RBP5: variants seen among roughly 807,000 people sequenced by gnomAD.
RBP5 encodes retinol-binding protein 5.
In RBP5, 12 loss-of-function variants were observed where a neutral mutation model predicts 17.8. That is an observed-to-expected ratio of 0.67 (90% CI 0.43 to 1.09). The LOEUF (loss-of-function observed/expected upper bound fraction) is 1.09. RBP5 is among the 50% of genes least tolerant of loss of function. The pLI is 0.00. For synonymous variants in RBP5, 64 were observed against 68.1 expected (o/e 0.94, Z 0.30); for missense variants, 172 against 169.4 (o/e 1.02, Z -0.09).
rs2135787572 is a variant in RBP5, at chr12:7,128,829, G to A, written c.-54C>T. Reference sequence around the variant, plus strand: ...AGGAGACAGGGTGAGGAAGGAGGGGGTGTTGTCTGGCAGGTGAGGCTGAGA... The same window carrying A: ...AGGAGACAGGGTGAGGAAGGAGGGGATGTTGTCTGGCAGGTGAGGCTGAGA... On this transcript the variant is annotated 5_prime_UTR_variant, in exon 1 of 4. Coordinates refer to ENST00000266560, the MANE Select transcript of RBP5 (RefSeq NM_031491.4). The surrounding 1 kb of genome is among the most constrained non-coding windows in gnomAD (Gnocchi z 5.3). 1 of 1,398,274 alleles carries A rather than the reference G, an allele frequency of 7.2e-7. No homozygotes were observed. Among genetic ancestry groups the A allele is most frequent in the East Asian group, 2.4e-5 (1 of 40,892 alleles). 86.6% of individuals were successfully genotyped at this position (1,398,274 alleles called of 1,614,324 possible).
At chr12:7,119,201 TGGG>T (rs71067155), downstream of RBP5, among the ~76,000 whole-genome samples, 455 of 115,206 alleles carry the variant, frequency 3.9e-3, 3 homozygotes, top group African/African-American at 0.014. Flanking sequence ...CTGTGGGGGA[TGGG>T]GGGGGGTCCC....
exon 4 of RBP5, chr12:7,116,032 A>T (rs1250653878): frequency 6.6e-6 from 1 of 152,192 alleles, no homozygotes; most frequent in Non-Finnish European, 1.5e-5. Context: ...TGGGGATTAC[A>T]ATTCCACATG....
At chr12:7,125,390 G>A (rs1187164461) in intron 2 of RBP5, among the ~76,000 whole-genome samples, 2 of 152,184 alleles carry the variant, frequency 1.3e-5, no homozygotes, top group Non-Finnish European at 2.9e-5. Flanking sequence ...AGAGAGATTG[G>A]TTGGGAATCC....
At chr12:7,119,777 CA>C (rs1246368444), downstream of RBP5, among the ~76,000 whole-genome samples, 1 of 152,222 alleles carries the variant, frequency 6.6e-6, no homozygotes, top group African/African-American at 2.4e-5. Flanking sequence ...GCAATCTTCA[CA>C]AAATTCCCAG....
At position 7,126,510 on chromosome 12, in the gene RBP5, G is replaced by GGTGGTGGTGT. The variant is rs751535528; in HGVS notation, c.252+1729_252+1730insACACCACCAC. 1.4e-3 allele frequency among the ~76,000 whole-genome samples: 179 copies of GGTGGTGGTGT among 131,086 alleles called. 1 individual carries two copies. Among genetic ancestry groups the GGTGGTGGTGT allele is most frequent in the African/African-American group, 2.8e-3 (98 of 35,428 alleles). 86.0% of individuals were successfully genotyped at this position (131,086 alleles called of 152,430 possible). A position where few individuals can be genotyped will look rare whatever the true frequency, so the allele number is the denominator to read the frequency against. On this transcript the variant is annotated intron_variant, in intron 2 of 3. Transcript: ENST00000266560. ...TAGATGTGGTGGTGGTGGTGGTGGT[G>GGTGGTGGTGT]GTGTGTGTGTGTGTGTGTGTGTGTG... is the stretch of plus-strand genomic sequence containing the variant.
intron 2 of RBP5, chr12:7,127,407 G>A: frequency 2.5e-6 from 1 of 397,288 alleles, no homozygotes; most frequent in East Asian, 4.4e-5. Context: ...TGGGATTATG[G>A]GTGTGAGCCA....
chr12:7,127,483 G>A, intron 2 of RBP5: 1 of 590,336 alleles, frequency 1.7e-6, no homozygotes, highest in East Asian at 2.8e-5. Context: ...CTAATGCAAT[G>A]TACATGCTCT....
chr12:7,128,845 G>A lies in RBP5; in HGVS notation c.-70C>T, dbSNP rs1939226256. 4.9e-6 allele frequency: 6 copies of A among 1,232,400 alleles called. 1 individual carries two copies. The highest frequency in any genetic ancestry group is 3.0e-5 in the African/African-American group (2 of 66,766). The allele number at this position is 1,232,400 out of a possible 1,614,324, so 76.3% of individuals were successfully genotyped here. On this transcript the variant is annotated 5_prime_UTR_variant, in exon 1 of 4. Transcript: ENST00000266560. The surrounding 1 kb of genome is among the most constrained non-coding windows in gnomAD (Gnocchi z 5.3). ...AAGGAGGGGGTGTTGTCTGGCAGGT[G>A]AGGCTGAGAGATTCCAGCCAGCTCC...
In RBP5 at chr12:7,128,268, A is replaced by T; in HGVS notation, c.224T>A (p.Leu75His). 1 of 1,614,012 alleles carries T rather than the reference A, an allele frequency of 6.2e-7. No homozygotes were observed. The highest frequency in any genetic ancestry group is 1.1e-5 in the South Asian group (1 of 91,062). The change falls in exon 2 of 4, where the codon CTC (leucine) becomes CAC (histidine). Residue 75 changes from leucine (L) to histidine (H), a missense_variant. Transcript: ENST00000266560. This position sits in a 1 kb window ranked among gnomAD's most constrained non-coding sequence, Gnocchi z 5.3. ...GCATTTTCGTCCGTCCACGCTCCTG[A>T]GGTCCTCCTCAAACTCCACTCCCAC... is the stretch of plus-strand genomic sequence containing the variant. ...FDVGVEFEED[L>H]RSVDGRKCQT...
Position 7,123,812 on chromosome 12 carries a change from C to G in RBP5, c.*309G>C. 3.1e-6 allele frequency: 1 copy of G among 319,580 alleles called. No individual in the cohort carries two copies. Among genetic ancestry groups the G allele is most frequent in the Non-Finnish European group, 5.8e-6 (1 of 172,416 alleles). 19.8% of individuals were successfully genotyped at this position (319,580 alleles called of 1,614,324 possible). The stretch of plus-strand genomic sequence containing the variant: ...CTTTCTTAGAAGGAAAAGAAGAGGT[C>G]AAATGGACAGGAGAGAGCGGAGATT... On this transcript the variant is annotated 3_prime_UTR_variant, in exon 4 of 4. Transcript: ENST00000266560.
At chr12:7,127,421 C>T (rs777548073) in intron 2 of RBP5, 20 of 441,724 alleles carry the variant, frequency 4.5e-5, no homozygotes, top group African/African-American at 2.0e-4. Flanking sequence ...TGAGCCACCA[C>T]GCCCAGCCTT....
At chr12:7,119,877 C>A (rs1456997901), downstream of RBP5, among the ~76,000 whole-genome samples, 3 of 152,210 alleles carry the variant, frequency 2.0e-5, no homozygotes, top group Non-Finnish European at 4.4e-5. Flanking sequence ...ACTCCTGCAG[C>A]TAGTAATAGG....
chr12:7,119,696 A>G (rs1174625999), downstream of RBP5: 1 of 154,626 alleles, frequency 6.5e-6, no homozygotes, highest in East Asian at 1.9e-4. Context: ...AGAGGCAGGG[A>G]ATAGTGCAAG....
chr12:7,128,587 C>T lies in RBP5; in HGVS notation c.73+116G>A. ...GGATCCCAGGTCTGGTGCCAGCCGC[C>T]TGAGCCTTTCCACAGTGTCCAACCC... is the stretch of plus-strand genomic sequence containing the variant. On this transcript the variant is annotated intron_variant, in intron 1 of 3. Transcript: ENST00000266560. The surrounding 1 kb of genome is among the most constrained non-coding windows in gnomAD (Gnocchi z 5.3). The T allele has an allele frequency of 8.1e-7, 1 of 1,227,826 alleles. No homozygotes were observed. The highest frequency in any genetic ancestry group is 1.2e-6 in the Non-Finnish European group (1 of 854,220). 76.1% of individuals were successfully genotyped at this position (1,227,826 alleles called of 1,614,324 possible).
downstream of RBP5, among the ~76,000 whole-genome samples, chr12:7,119,277 G>A (rs1939047697): frequency 6.6e-6 from 1 of 152,094 alleles, no homozygotes; most frequent in Non-Finnish European, 1.5e-5. Flanking sequence ...CAGTGGCACT[G>A]GGCTGGGCAG....
Position 7,128,827 on chromosome 12 carries a change from G to T in RBP5, c.-52C>A. 7.0e-7 allele frequency: 1 copy of T among 1,432,888 alleles called. No homozygotes were observed. Among genetic ancestry groups the T allele is most frequent in the Non-Finnish European group, 9.7e-7 (1 of 1,035,916 alleles). The allele number at this position is 1,432,888 out of a possible 1,614,324, so 88.8% of individuals were successfully genotyped here. On this transcript the variant is annotated 5_prime_UTR_variant, in exon 1 of 4. Transcript: ENST00000266560. This position sits in a 1 kb window ranked among gnomAD's most constrained non-coding sequence, Gnocchi z 5.3. ...GCAGGAGACAGGGTGAGGAAGGAGG[G>T]GGTGTTGTCTGGCAGGTGAGGCTGA...
exon 4 of RBP5, chr12:7,116,449 C>T (rs1485957415): frequency 1.3e-5 from 2 of 152,278 alleles, no homozygotes; most frequent in African/African-American, 4.8e-5. Context: ...CTCATGCTGT[C>T]TAATGGCGTG....
chr12:7,126,517 GTGTGTGTGTGT>G (rs1939166498), intron 2 of RBP5, among the ~76,000 whole-genome samples: 85 of 88,436 alleles, frequency 9.6e-4, no homozygotes, highest in African/African-American at 2.8e-3. Context: ...GGTGGTGTGT[GTGTGTGTGTGT>G]GTGTGTGTGT....
chr12:7,127,735 T>A (rs1161098669), intron 2 of RBP5: 1 of 701,970 alleles, frequency 1.4e-6, no homozygotes. Flanking sequence ...GCAGAAGGCA[T>A]GGGTGTAGAT....
Sources: allele counts gnomAD v4.1 joint callset (sites outside exome capture counted in the v4.1 genomes callset), GRCh38; gene constraint gnomAD v4.1.1; non-coding constraint Gnocchi (gnomAD v3.1); transcripts MANE v1.5; gene names NCBI Gene and HGNC (gene_info 2026-07-23, HGNC 2026-07-21).